The following FAM149B1 variants were observed in gnomAD, a reference collection of about 807,000 sequenced individuals.
FAM149B1 encodes primary cilium assembly protein FAM149B1.
In FAM149B1, 56 loss-of-function variants were observed where a neutral mutation model predicts 75.3. That is an observed-to-expected ratio of 0.74 (90% CI 0.60 to 0.93). The LOEUF is 0.93. Ranked by LOEUF, FAM149B1 falls within the 40% of genes least tolerant of loss-of-function variation. The pLI is 0.00. For synonymous variants in FAM149B1, 259 were observed against 256.1 expected, an observed-to-expected ratio of 1.01 and a Z score of -0.11; for missense variants, 639 against 708.4, an observed-to-expected ratio of 0.90 and a Z score of 1.11.
At chr10:73,197,771 A>C (rs1188180736) in intron 5 of FAM149B1, among the ~76,000 whole-genome samples, 1 of 152,104 alleles carries the variant, frequency 6.6e-6, no homozygotes, top group Non-Finnish European at 1.5e-5. Context: ...TGTCTCAAAA[A>C]AAAAAAGAAA....
intron 2 of FAM149B1, among the ~76,000 whole-genome samples, chr10:73,176,182 C>A (rs1398705369): frequency 6.6e-6 from 1 of 152,048 alleles, no homozygotes; most frequent in Non-Finnish European, 1.5e-5. Context: ...GAATGCACAA[C>A]CTAGATCCCT....
chr10:73,215,721 G>T (rs2043284996), intron 7 of FAM149B1, among the ~76,000 whole-genome samples: 1 of 152,168 alleles, frequency 6.6e-6, no homozygotes, highest in African/African-American at 2.4e-5. Flanking sequence ...ATGGTTTCCA[G>T]AGTTCTTTGT....
chr10:73,227,981 G>A, intron 7 of FAM149B1, 79 bp from the exon 8 acceptor site: 1 of 1,368,108 alleles, frequency 7.3e-7, no homozygotes, highest in South Asian at 1.3e-5. Context: ...TGAATTCTCA[G>A]GAGAGATCTT....
At chr10:73,209,947 A>C (rs1185201757) in intron 6 of FAM149B1, among the ~76,000 whole-genome samples, 2 of 151,328 alleles carry the variant, frequency 1.3e-5, no homozygotes, top group Non-Finnish European at 2.9e-5. Flanking sequence ...CTCACGTATC[A>C]CTCATGTGCA....
chr10:73,233,276 A>G, intron 10 of FAM149B1, 113 bp downstream of exon 10: 1 of 773,820 alleles, frequency 1.3e-6, no homozygotes, highest in Non-Finnish European at 2.1e-6. Context: ...ATCATTAAGT[A>G]GTCTTATGAC....
intron 2 of FAM149B1, among the ~76,000 whole-genome samples, chr10:73,176,191 C>T (rs1843958522): frequency 6.6e-6 from 1 of 152,040 alleles, no homozygotes; most frequent in African/African-American, 2.4e-5. Context: ...ACCTAGATCC[C>T]TTGCATGCGC....
At chr10:73,191,503 A>AT (rs1238158758) in intron 3 of FAM149B1, among the ~76,000 whole-genome samples, 2 of 151,430 alleles carry the variant, frequency 1.3e-5, no homozygotes, top group African/African-American at 2.4e-5. Flanking sequence ...CACCCAGCTA[A>AT]TTTTTTTTAT....
rs563849642 is a variant in FAM149B1 at position 73,232,995 on chromosome 10, G to A, written c.1184G>A (p.Arg395Gln). 1.5e-5 allele frequency: 24 copies of A among 1,551,962 alleles called. No homozygotes were observed. Among genetic ancestry groups the A allele is most frequent in the East Asian group, 2.4e-5 (1 of 40,916 alleles). ...RPGSSTILST[R>Q]NWPNRAVEFS... ...GGGTCCAGTACCATCCTTTCAACTC[G>A]AAATTGGCCAAATCGAGCTGTGGAG... The change falls in exon 10 of 14, where the codon CGA (arginine) becomes CAA (glutamine). Residue 395 changes from arginine (R) to glutamine (Q), a missense_variant. Arg to Gln is a conservative substitution (Grantham distance 43, BLOSUM62 1). Transcript: ENST00000242505.
At chr10:73,236,590 T>C (rs1253614766) in intron 12 of FAM149B1, among the ~76,000 whole-genome samples, 1 of 151,894 alleles carries the variant, frequency 6.6e-6, no homozygotes, top group Non-Finnish European at 1.5e-5. Flanking sequence ...ATTTTTGTAA[T>C]TTTACTAGAG....
In FAM149B1 at chr10:73,233,112, CAT is replaced by C. The variant is rs1248988600; in HGVS notation, c.1302_1303del (p.Ala436Ter). On this transcript the variant is annotated frameshift_variant, in exon 10 of 14. Coordinates refer to ENST00000242505, the MANE Select transcript of FAM149B1 (RefSeq NM_173348.2). LOFTEE classifies it high-confidence loss of function. Reference sequence around the variant, plus strand: ...CTTCATCCGATCAGCACGAGCCATTCATGTGCTGAAACACCAAGATCTGTGGA... The same window carrying C: ...CTTCATCCGATCAGCACGAGCCATTCGTGCTGAAACACCAAGATCTGTGGA... 2.6e-6 allele frequency: 4 copies of C among 1,551,660 alleles called. No individual in the cohort carries two copies. The highest frequency in any genetic ancestry group is 3.5e-6 in the Non-Finnish European group (4 of 1,147,030).
At chr10:73,238,252 CAGG>C (rs2043866944) in intron 12 of FAM149B1, among the ~76,000 whole-genome samples, 1 of 152,120 alleles carries the variant, frequency 6.6e-6, no homozygotes, top group South Asian at 2.1e-4. Flanking sequence ...GAGGCTAAGG[CAGG>C]AGAATTGCTT....
At chr10:73,204,314 G>A (rs376280380) in intron 5 of FAM149B1, among the ~76,000 whole-genome samples, 8 of 151,772 alleles carry the variant, frequency 5.3e-5, no homozygotes, top group Admixed American at 2.6e-4. Flanking sequence ...TAGTAGAGAC[G>A]GGGTTTTACC....
At chr10:73,183,103 TGAGGAGCA>T (rs1390783160) in intron 3 of FAM149B1, among the ~76,000 whole-genome samples, 1 of 152,134 alleles carries the variant, frequency 6.6e-6, no homozygotes, top group Non-Finnish European at 1.5e-5. Context: ...CCCACTGTGC[TGAGGAGCA>T]GAGACGAGAG....
intron 2 of FAM149B1, 106 bp from the exon 3 acceptor site, chr10:73,177,740 C>A: frequency 1.0e-6 from 1 of 974,086 alleles, no homozygotes; most frequent in Non-Finnish European, 1.5e-6. Flanking sequence ...TATATTTGTA[C>A]ACATGTTAAT....
At chr10:73,225,676 T>C (rs1197099309) in intron 7 of FAM149B1, among the ~76,000 whole-genome samples, 1 of 152,206 alleles carries the variant, frequency 6.6e-6, no homozygotes, top group Non-Finnish European at 1.5e-5. Context: ...AGTCCAGTAA[T>C]GACCTAGGCC....
chr10:73,215,771 G>A (rs973212355), intron 7 of FAM149B1, among the ~76,000 whole-genome samples: 56 of 152,242 alleles, frequency 3.7e-4, no homozygotes, highest in African/African-American at 1.3e-3. Context: ...GGTCTGAGAA[G>A]ATACTTGATA....
Position 73,243,343 on chromosome 10 carries a change from A to T in FAM149B1, c.*2324A>T. ...ACTTTTGCCTTCAAATCCTGCCTGC[A>T]CCTTGCCTACGATGGCATCAATTTA... is the stretch of plus-strand genomic sequence containing the variant. On this transcript the variant is annotated 3_prime_UTR_variant, in exon 14 of 14. Coordinates refer to ENST00000242505, the MANE Select transcript of FAM149B1 (RefSeq NM_173348.2). 1 of 1,600,714 alleles carries T rather than the reference A, an allele frequency of 6.2e-7. No individual in the cohort carries two copies. Among genetic ancestry groups the T allele is most frequent in the Non-Finnish European group, 8.5e-7 (1 of 1,174,266 alleles).
chr10:73,238,577 G>C (rs187433049), intron 12 of FAM149B1, among the ~76,000 whole-genome samples: 398 of 152,320 alleles, frequency 2.6e-3, no homozygotes, highest in African/African-American at 8.5e-3. Flanking sequence ...CTGAGTAATT[G>C]CAACAACCAC....
chr10:73,188,216 A>C (rs1019008714), intron 3 of FAM149B1, among the ~76,000 whole-genome samples: 1 of 152,236 alleles, frequency 6.6e-6, no homozygotes, highest in East Asian at 1.9e-4. Flanking sequence ...GTACAAAGGC[A>C]ATTCAATAGA....
Sources: gnomAD v4.1 joint callset for allele counts (sites outside exome capture counted in the v4.1 genomes callset) on GRCh38, gnomAD v4.1.1 for gene constraint, MANE v1.5 for transcripts, NCBI Gene and HGNC (gene_info 2026-07-23, HGNC 2026-07-21) for gene names.